Variants in JAKMIP1 observed in about 807,000 individuals in gnomAD.
JAKMIP1 encodes the protein janus kinase and microtubule interacting protein 1, also known as janus kinase and microtubule-interacting protein 1.
Under a neutral mutation model 113.0 loss-of-function variants are expected in JAKMIP1, and 33 were observed. That is an observed-to-expected ratio of 0.29 (90% CI 0.22 to 0.39). The LOEUF is 0.39. Among genes scored for constraint, JAKMIP1 ranks in the 10% least tolerant of loss-of-function variants. The probability of loss-of-function intolerance (pLI) is 1.00; values close to 1 mark genes in which losing one functional copy is unlikely to be tolerated. For missense variants in JAKMIP1, 813 were observed against 1,080.5 expected (o/e 0.75, Z 3.47); for synonymous variants, 480 against 459.9 (o/e 1.04, Z -0.56).
At position 6,049,962 on chromosome 4, in the gene JAKMIP1, A is replaced by G; in HGVS notation, c.1909-90T>C. 1 of 869,476 alleles carries G rather than the reference A, an allele frequency of 1.2e-6. No homozygotes were observed. The highest frequency in any genetic ancestry group is 1.5e-5 in the South Asian group (1 of 67,050). The allele number at this position is 869,476 out of a possible 1,614,324, so 53.9% of individuals were successfully genotyped here. Reference sequence around the variant, plus strand: ...GGCCACGGCCTTTCCTCTGGACAAGACACCGCGCTCTTTCTTTTCTTTTCT... The same window carrying G: ...GGCCACGGCCTTTCCTCTGGACAAGGCACCGCGCTCTTTCTTTTCTTTTCT... On this transcript the variant is annotated intron_variant, in intron 14 of 20. Transcript: ENST00000409021. This position sits in a 1 kb window ranked among gnomAD's most constrained non-coding sequence, Gnocchi z 7.0.
chr4:6,069,675 C>G lies in JAKMIP1; in HGVS notation c.1303-4667G>C, dbSNP rs544796167. Among the ~76,000 whole-genome samples the G allele has an allele frequency of 1.3e-5, 2 of 151,650 alleles. No homozygotes were observed. The highest frequency in any genetic ancestry group is 1.9e-4 in the East Asian group (1 of 5,154). On this transcript the variant is annotated intron_variant, in intron 8 of 20. Transcript: ENST00000409021. This position sits in a 1 kb window ranked among gnomAD's most constrained non-coding sequence, Gnocchi z 4.5. ...GGCTGAGGTGGAAAGATTACTTGAG[C>G]CTGGGAGGTTGGGGCTGCAGTGAGC...
At chr4:6,122,116 G>A (rs951743821) in intron 1 of JAKMIP1, among the ~76,000 whole-genome samples, 11 of 152,270 alleles carry the variant, frequency 7.2e-5, no homozygotes, top group African/African-American at 2.2e-4. Flanking sequence ...AGGCCGAGGC[G>A]GGCGGATCTC....
At chr4:6,118,276 G>A (rs1009966452) in intron 1 of JAKMIP1, among the ~76,000 whole-genome samples, 8 of 152,162 alleles carry the variant, frequency 5.3e-5, no homozygotes, top group Non-Finnish European at 4.4e-5. Context: ...CTGACTTCCC[G>A]CAACAGGTAA....
rs1712595873 is a variant in JAKMIP1 at position 6,031,162 on chromosome 4, G to A, written c.2380-1381C>T. Among the ~76,000 whole-genome samples the A allele has an allele frequency of 6.6e-6, 1 of 152,218 alleles. No individual in the cohort carries two copies. The highest frequency in any genetic ancestry group is 1.5e-5 in the Non-Finnish European group (1 of 68,048). ...AGAAAACCAAGAGGGGCTGGGCACG[G>A]TGGCTCAAGCCTGTAATCCCAGCAC... is the stretch of plus-strand genomic sequence containing the variant. On this transcript the variant is annotated intron_variant, in intron 19 of 20. Coordinates refer to ENST00000409021, the MANE Select transcript of JAKMIP1 (RefSeq NM_001099433.2). This position sits in a 1 kb window ranked among gnomAD's most constrained non-coding sequence, Gnocchi z 4.4.
In JAKMIP1 at chr4:6,079,014, ACGGT is replaced by A; in HGVS notation, c.1243-20_1243-17del. On this transcript the variant is annotated splice_polypyrimidine_tract_variant and intron_variant, in intron 7 of 20. Transcript: ENST00000409021. ...GTTCTCTCTCCTAGAAGGAAACACAACGGTTGGCATTTCCAGCCAGCCTCACATC... is the reference window on the plus strand; with the variant it reads ...GTTCTCTCTCCTAGAAGGAAACACAATGGCATTTCCAGCCAGCCTCACATC... 1 of 1,614,068 alleles carries A rather than the reference ACGGT, an allele frequency of 6.2e-7. No homozygotes were observed. The highest frequency in any genetic ancestry group is 8.5e-7 in the Non-Finnish European group (1 of 1,179,966).
At chr4:6,159,437 C>T (rs1055462427) in intron 1 of JAKMIP1, among the ~76,000 whole-genome samples, 2 of 152,046 alleles carry the variant, frequency 1.3e-5, no homozygotes, top group African/African-American at 4.8e-5. Context: ...ATCTGTGACA[C>T]ATAACAAATC....
In JAKMIP1 at chr4:6,051,621, A is replaced by C. The variant is rs1715674184; in HGVS notation, c.1807-942T>G. ...TTTTCTGAGCCACACTAACACAACA[A>C]GTGATCATTCTACCCCTGCCTTAGA... is the stretch of plus-strand genomic sequence containing the variant. On this transcript the variant is annotated intron_variant, in intron 13 of 20. Coordinates refer to ENST00000409021, the MANE Select transcript of JAKMIP1 (RefSeq NM_001099433.2). The surrounding 1 kb of genome is among the most constrained non-coding windows in gnomAD (Gnocchi z 5.0). 1.3e-5 allele frequency among the ~76,000 whole-genome samples: 2 copies of C among 152,232 alleles called. No individual in the cohort carries two copies. Among genetic ancestry groups the C allele is most frequent in the Admixed American group, 1.3e-4 (2 of 15,286 alleles).
rs116525969 is a variant in JAKMIP1 at position 6,167,881 on chromosome 4, C to T, written c.-148+32372G>A. Among the ~76,000 whole-genome samples the T allele has an allele frequency of 7.4e-3, 1,120 of 152,344 alleles. 7 individuals are homozygous for T. Among genetic ancestry groups the T allele is most frequent in the Non-Finnish European group, 0.011 (774 of 68,036 alleles). On this transcript the variant is annotated intron_variant, in intron 1 of 20. Coordinates refer to ENST00000409021, the MANE Select transcript of JAKMIP1 (RefSeq NM_001099433.2). This position sits in a 1 kb window ranked among gnomAD's most constrained non-coding sequence, Gnocchi z 5.3. ...AGAGCATGCCAGAAATCAGAGCTGG[C>T]TAGGACCAGTCAGGCTGACTGCGCC...
chr4:6,030,021 T>C (rs1484714048), intron 19 of JAKMIP1, among the ~76,000 whole-genome samples: 3 of 152,164 alleles, frequency 2.0e-5, no homozygotes, highest in Admixed American at 6.5e-5. Context: ...AAAGGAATTC[T>C]GTTCTGACTT....
rs893947748 is a variant in JAKMIP1 at position 6,031,465 on chromosome 4, G to A, written c.2380-1684C>T. Among the ~76,000 whole-genome samples the A allele has an allele frequency of 3.9e-5, 6 of 152,214 alleles. No homozygotes were observed. In the East Asian group the frequency reaches 1.2e-3, roughly 29 times the overall value. ...GGAGGGGTGAGGTATCGTGCCGTGG[G>A]CTGGAGGAGACGTGGAACCCAGCAG... On this transcript the variant is annotated intron_variant, in intron 19 of 20. Coordinates refer to ENST00000409021, the MANE Select transcript of JAKMIP1 (RefSeq NM_001099433.2). This position sits in a 1 kb window ranked among gnomAD's most constrained non-coding sequence, Gnocchi z 4.4.
chr4:6,096,537 C>A (rs1184487564), intron 3 of JAKMIP1, among the ~76,000 whole-genome samples: 1 of 152,176 alleles, frequency 6.6e-6, no homozygotes, highest in Non-Finnish European at 1.5e-5. Flanking sequence ...TAATATTTGT[C>A]ATTATCATTA....
intron 11 of JAKMIP1, among the ~76,000 whole-genome samples, chr4:6,057,969 T>G (rs938893832): frequency 6.6e-6 from 1 of 152,244 alleles, no homozygotes; most frequent in Admixed American, 6.5e-5. Flanking sequence ...CACAGAACTG[T>G]GTGCAAATAG....
chr4:6,169,913 CTTTAAG>C (rs975821746), intron 1 of JAKMIP1, among the ~76,000 whole-genome samples: 1 of 151,180 alleles, frequency 6.6e-6, no homozygotes, highest in South Asian at 2.1e-4. Flanking sequence ...ACTCTGTAAT[CTTTAAG>C]TTTTTCTACC....
At position 6,186,884 on chromosome 4, in the gene JAKMIP1, G is replaced by A. The variant is rs1726711315; in HGVS notation, c.-148+13369C>T. 6.6e-6 allele frequency among the ~76,000 whole-genome samples: 1 copy of A among 152,178 alleles called. No homozygotes were observed. The highest frequency in any genetic ancestry group is 1.5e-5 in the Non-Finnish European group (1 of 68,034). On this transcript the variant is annotated intron_variant, in intron 1 of 20. Coordinates refer to ENST00000409021, the MANE Select transcript of JAKMIP1 (RefSeq NM_001099433.2). The surrounding 1 kb of genome is among the most constrained non-coding windows in gnomAD (Gnocchi z 5.5). ...ACTCTGTCACCCAAGCTGGAGTGCA[G>A]TGGTGCAATCACGGCTCACTGCAGC...
chr4:6,105,745 T>A lies in JAKMIP1; in HGVS notation c.352A>T (p.Asn118Tyr). 1 of 1,602,696 alleles carries A rather than the reference T, an allele frequency of 6.2e-7. No individual in the cohort carries two copies. Among genetic ancestry groups the A allele is most frequent in the Non-Finnish European group, 8.5e-7 (1 of 1,177,980 alleles). ...GELQRLQATL[N>Y]VLRDGAADKV... ...TCGGCCGCGCCGTCGCGCAGCACGTTCAGCGTGGCCTGCAGCCGCTGCAGC... is the reference window on the plus strand; with the variant it reads ...TCGGCCGCGCCGTCGCGCAGCACGTACAGCGTGGCCTGCAGCCGCTGCAGC... The change falls in exon 3 of 21, where the codon AAC becomes TAC. Residue 118 changes from asparagine to tyrosine, a missense_variant. This residue lies in a region of JAKMIP1 where 540 missense variants were observed against 653.9 expected (regional missense o/e 0.83). Coordinates refer to ENST00000409021, the MANE Select transcript of JAKMIP1 (RefSeq NM_001099433.2).
In JAKMIP1 at chr4:6,086,176, GCT is replaced by G. The variant is rs1254529663; in HGVS notation, c.625-549_625-548del. ...CCCACTCCCAGACTCACGACCTCCT[GCT>G]CCCTCTCCCCAAGGCCACTTCCCAT... is the stretch of plus-strand genomic sequence containing the variant. On this transcript the variant is annotated intron_variant, in intron 3 of 20. Coordinates refer to ENST00000409021, the MANE Select transcript of JAKMIP1 (RefSeq NM_001099433.2). This position sits in a 1 kb window ranked among gnomAD's most constrained non-coding sequence, Gnocchi z 4.1. Among the ~76,000 whole-genome samples the G allele has an allele frequency of 6.6e-6, 1 of 151,964 alleles. No homozygotes were observed. The highest frequency in any genetic ancestry group is 2.4e-5 in the African/African-American group (1 of 41,398).
chr4:6,110,741 CA>C (rs1714793332), intron 2 of JAKMIP1, among the ~76,000 whole-genome samples: 1 of 149,800 alleles, frequency 6.7e-6, no homozygotes, highest in East Asian at 2.0e-4. Flanking sequence ...AAAACTGAGG[CA>C]GGGGGTTACA....
intron 1 of JAKMIP1, among the ~76,000 whole-genome samples, chr4:6,172,093 C>G (rs1209208906): frequency 1.3e-5 from 2 of 152,228 alleles, no homozygotes; most frequent in African/African-American, 4.8e-5. Flanking sequence ...CCACTCTTTT[C>G]TCTTAAGGTA....
chr4:6,068,291 A>C (rs1670955371), intron 8 of JAKMIP1, among the ~76,000 whole-genome samples: 1 of 152,198 alleles, frequency 6.6e-6, no homozygotes, highest in South Asian at 2.1e-4. Flanking sequence ...AAACAGCCTA[A>C]CTCCAGACCC....
Sources: gnomAD v4.1 joint callset for allele counts (sites outside exome capture counted in the v4.1 genomes callset) on GRCh38, gnomAD v4.1.1 for gene constraint, gnomAD v4.1.1 regional missense constraint, Gnocchi (gnomAD v3.1) non-coding constraint, MANE v1.5 for transcripts, NCBI Gene and HGNC (gene_info 2026-07-23, HGNC 2026-07-21) for gene names.